The following MNAT1 variants were observed in gnomAD, a reference collection of about 807,000 sequenced individuals.
MNAT1 encodes the protein CDK-activating kinase assembly factor MAT1.
A neutral mutation model predicts 42.0 loss-of-function variants in MNAT1; 43 were observed. The observed-to-expected ratio is 1.02, with a 90% CI of 0.80 to 1.32. The LOEUF is 1.32. Among genes scored for constraint, MNAT1 ranks in the 40% most tolerant of loss-of-function variants. The pLI is 0.00. For missense variants in MNAT1, 306 were observed against 350.4 expected, an observed-to-expected ratio of 0.87 and a Z score of 1.01; for synonymous variants, 118 against 120.0, an observed-to-expected ratio of 0.98 and a Z score of 0.11.
intron 7 of MNAT1, 183 bp downstream of exon 7, chr14:60,880,018 G>A: frequency 2.2e-6 from 1 of 455,312 alleles, no homozygotes; most frequent in Non-Finnish European, 3.6e-6. Flanking sequence ...GACTTGTTAG[G>A]TCTCTTGAGA....
At chr14:60,879,975 A>G (rs1436242190) in intron 7 of MNAT1, 140 bp downstream of exon 7, 6 of 858,172 alleles carry the variant, frequency 7.0e-6, no homozygotes, top group Non-Finnish European at 8.3e-6. Flanking sequence ...CTCAATACCA[A>G]ATTGTTTTAT....
chr14:60,951,211 C>T (rs1295677083), intron 7 of MNAT1, among the ~76,000 whole-genome samples: 1 of 151,258 alleles, frequency 6.6e-6, no homozygotes, highest in Middle Eastern at 3.2e-3. Flanking sequence ...TAATATCTTT[C>T]CTCCTTCTGA....
chr14:60,948,168 C>G (rs969048173), intron 7 of MNAT1, among the ~76,000 whole-genome samples: 1 of 152,142 alleles, frequency 6.6e-6, no homozygotes. Flanking sequence ...TGGTGACTCA[C>G]GCCTGTAATC....
intron 6 of MNAT1, among the ~76,000 whole-genome samples, chr14:60,838,258 C>T (rs1328441369): frequency 2.0e-5 from 3 of 152,050 alleles, no homozygotes; most frequent in Non-Finnish European, 4.4e-5. Flanking sequence ...GCCTCAGCCT[C>T]CTGAGTTGCT....
chr14:60,760,123 A>G (rs1445962153), intron 1 of MNAT1, among the ~76,000 whole-genome samples: 1 of 152,222 alleles, frequency 6.6e-6, no homozygotes, highest in African/African-American at 2.4e-5. Flanking sequence ...ATATAAACTT[A>G]TGCATTAATG....
chr14:60,964,970 A>G (rs898713604), intron 7 of MNAT1, among the ~76,000 whole-genome samples: 2 of 152,366 alleles, frequency 1.3e-5, no homozygotes. Flanking sequence ...AATAACAAAA[A>G]TGAACTTTGT....
intron 4 of MNAT1, among the ~76,000 whole-genome samples, chr14:60,809,506 C>T (rs563469650): frequency 5.3e-5 from 8 of 152,136 alleles, no homozygotes; most frequent in South Asian, 2.1e-4. Flanking sequence ...AATAGGTATG[C>T]GTAGGTAAAA....
At chr14:60,786,077 A>G (rs998917949) in intron 1 of MNAT1, among the ~76,000 whole-genome samples, 1 of 152,084 alleles carries the variant, frequency 6.6e-6, no homozygotes, top group Non-Finnish European at 1.5e-5. Flanking sequence ...TAGAAACAAA[A>G]TATAATTAAG....
intron 1 of MNAT1, among the ~76,000 whole-genome samples, chr14:60,735,230 C>G (rs774366295): frequency 6.6e-6 from 1 of 152,140 alleles, no homozygotes; most frequent in Admixed American, 6.5e-5. Context: ...TATTTCCAGG[C>G]TTTGTGTTGT....
intron 1 of MNAT1, chr14:60,780,006 G>A: frequency 6.4e-7 from 1 of 1,566,792 alleles, no homozygotes; most frequent in Non-Finnish European, 8.8e-7. Flanking sequence ...CGGGAGCAGG[G>A]AATCACCCTG....
chr14:60,842,198 G>C (rs1185413451), intron 6 of MNAT1, among the ~76,000 whole-genome samples: 1 of 152,170 alleles, frequency 6.6e-6, no homozygotes, highest in East Asian at 1.9e-4. Context: ...TCATTGGATA[G>C]TTATGATGCA....
intron 1 of MNAT1, among the ~76,000 whole-genome samples, chr14:60,791,851 G>T (rs1185960767): frequency 6.6e-6 from 1 of 152,054 alleles, no homozygotes; most frequent in Non-Finnish European, 1.5e-5. Flanking sequence ...ACTTTCTGGG[G>T]ACTAAAACTT....
At chr14:60,904,043 T>C (rs933010914) in intron 7 of MNAT1, among the ~76,000 whole-genome samples, 2 of 152,170 alleles carry the variant, frequency 1.3e-5, no homozygotes, top group East Asian at 3.9e-4. Context: ...GACTGATTTT[T>C]GTATTTTTTA....
intron 7 of MNAT1, among the ~76,000 whole-genome samples, chr14:60,940,113 A>G (rs1307962976): frequency 6.6e-6 from 1 of 151,422 alleles, no homozygotes; most frequent in Non-Finnish European, 1.5e-5. Flanking sequence ...CTTTATTTTG[A>G]GCTTATGTGT....
At chr14:60,957,206 CATCTT>C (rs2036502216) in intron 7 of MNAT1, among the ~76,000 whole-genome samples, 1 of 152,076 alleles carries the variant, frequency 6.6e-6, no homozygotes, top group African/African-American at 2.4e-5. Context: ...TTACATAAAA[CATCTT>C]ATAGTTACGC....
chr14:60,735,040 A>C (rs563384257), intron 1 of MNAT1, 89 bp downstream of exon 1: 1 of 1,270,750 alleles, frequency 7.9e-7, no homozygotes, highest in Admixed American at 1.7e-5. Context: ...TCTTGGGAGC[A>C]AAGGGCGTTG....
chr14:60,934,096 T>C (rs2035942544), intron 7 of MNAT1, among the ~76,000 whole-genome samples: 2 of 152,198 alleles, frequency 1.3e-5, no homozygotes, highest in Admixed American at 1.3e-4. Context: ...AGTTTATTGG[T>C]TTCAGAAGTT....
At chr14:60,852,317 G>A (rs980172622) in intron 6 of MNAT1, among the ~76,000 whole-genome samples, 13 of 152,158 alleles carry the variant, frequency 8.5e-5, no homozygotes, top group African/African-American at 2.7e-4. Flanking sequence ...TTTGTTGGCT[G>A]CATAAATGTC....
At position 60,969,445 on chromosome 14, in the gene MNAT1, A is replaced by C. The variant is rs2036741739; in HGVS notation, c.*1096A>C. On this transcript the variant is annotated 3_prime_UTR_variant, in exon 8 of 8. Transcript: ENST00000261245. ...ATCTGTAACAACTCCATCTTATTTT[A>C]CTAAGCAGTTATTAATTAATTTTAG... 1.3e-5 allele frequency: 2 copies of C among 152,228 alleles called. No individual in the cohort carries two copies. The highest frequency in any genetic ancestry group is 2.9e-5 in the Non-Finnish European group (2 of 68,016). The allele number at this position is 152,228 out of a possible 1,614,324, so 9.4% of individuals were successfully genotyped here.
Sources: gnomAD v4.1 joint callset for allele counts (sites outside exome capture counted in the v4.1 genomes callset) on GRCh38, gnomAD v4.1.1 for gene constraint, MANE v1.5 for transcripts, NCBI Gene and HGNC (gene_info 2026-07-23, HGNC 2026-07-21) for gene names.